SCML4: variants seen among roughly 807,000 people sequenced by gnomAD.
SCML4 encodes sex comb on midleg-like protein 4.
In SCML4, 34 loss-of-function variants were observed where a neutral mutation model predicts 41.1. That is an observed-to-expected ratio of 0.83 (90% CI 0.63 to 1.10). The LOEUF is 1.10. Ranked by LOEUF, SCML4 falls within the 50% of genes least tolerant of loss-of-function variation. The pLI, the probability that SCML4 is intolerant of heterozygous loss-of-function variation, is 0.00. For synonymous variants in SCML4, 214 were observed against 220.9 expected (o/e 0.97, Z 0.28); for missense variants, 522 against 534.1 (o/e 0.98, Z 0.22).
chr6:107,789,893 G>A (rs872548), intron 1 of SCML4, among the ~76,000 whole-genome samples: 35,803 of 152,140 alleles, frequency 0.24, 5,540 homozygotes, highest in African/African-American at 0.44. Flanking sequence ...TTAATAAAAC[G>A]TACATACATG....
the SCML4 span, among the ~76,000 whole-genome samples, chr6:107,834,041 G>C: frequency 2.0e-5 from 3 of 152,160 alleles, no homozygotes; most frequent in Admixed American, 1.3e-4. Flanking sequence ...GAAGGAAACG[G>C]GAATAAAAGC....
chr6:107,816,285 T>C (rs562449850), intron 1 of SCML4, among the ~76,000 whole-genome samples: 2 of 152,370 alleles, frequency 1.3e-5, no homozygotes, highest in East Asian at 1.9e-4. Flanking sequence ...TAATGCTCAA[T>C]TGATGCAAAT....
At chr6:107,839,432 A>AAAAAGAAAAGAATAGGAAAG in the SCML4 span, among the ~76,000 whole-genome samples, 10 of 152,052 alleles carry the variant, frequency 6.6e-5, no homozygotes, top group African/African-American at 2.2e-4. Flanking sequence ...GGGAGGGAGG[A>AAAAAGAAAAGAATAGGAAAG]AAAAGAAAAG....
chr6:107,762,657 G>T (rs1234736972), intron 2 of SCML4, among the ~76,000 whole-genome samples: 1 of 152,208 alleles, frequency 6.6e-6, no homozygotes. Context: ...GGGAAGACAT[G>T]GGGAGTAAGC....
intron 1 of SCML4, among the ~76,000 whole-genome samples, chr6:107,784,852 C>T (rs1781765214): frequency 1.3e-5 from 2 of 152,174 alleles, no homozygotes; most frequent in African/African-American, 4.8e-5. Context: ...TGTGCATTTG[C>T]CCTGACTGGG....
chr6:107,754,046 T>G (rs1466424786), intron 2 of SCML4, among the ~76,000 whole-genome samples: 1 of 152,012 alleles, frequency 6.6e-6, no homozygotes, highest in Non-Finnish European at 1.5e-5. Flanking sequence ...GTAGGAGGCC[T>G]GGGGAATGGA....
chr6:107,790,550 T>C (rs1284923875), intron 1 of SCML4, among the ~76,000 whole-genome samples: 1 of 152,220 alleles, frequency 6.6e-6, no homozygotes, highest in Non-Finnish European at 1.5e-5. Context: ...CAACAGCCGT[T>C]AAGTCAATTC....
chr6:107,814,000 G>A (rs1038599397), intron 1 of SCML4, among the ~76,000 whole-genome samples: 3 of 152,190 alleles, frequency 2.0e-5, no homozygotes, highest in African/African-American at 4.8e-5. Context: ...GGGCAGTCCC[G>A]TGGTGACTCA....
chr6:107,788,210 C>G (rs1365158744), intron 1 of SCML4, among the ~76,000 whole-genome samples: 1 of 152,156 alleles, frequency 6.6e-6, no homozygotes. Context: ...CTGCAAGGAC[C>G]AGGAAAGCTG....
At chr6:107,727,259 G>A (rs1325156456) in intron 5 of SCML4, among the ~76,000 whole-genome samples, 4 of 152,076 alleles carry the variant, frequency 2.6e-5, no homozygotes, top group Non-Finnish European at 1.5e-5. Flanking sequence ...GGGTTGGGGT[G>A]TGGGGTGGGT....
intron 1 of SCML4, among the ~76,000 whole-genome samples, chr6:107,781,324 C>T (rs1372957601): frequency 6.6e-6 from 1 of 152,130 alleles, no homozygotes; most frequent in Admixed American, 6.5e-5. Context: ...TAGTCAATCT[C>T]AGTCGTCCCA....
At chr6:107,825,347 G>C (rs575672816), upstream of SCML4, among the ~76,000 whole-genome samples, 1 of 152,270 alleles carries the variant, frequency 6.6e-6, no homozygotes, top group Middle Eastern at 3.4e-3. Context: ...CCACAACCTG[G>C]CCAGTTACTG....
intron 1 of SCML4, among the ~76,000 whole-genome samples, chr6:107,814,472 G>A (rs1203985714): frequency 1.3e-5 from 2 of 152,228 alleles, no homozygotes; most frequent in Non-Finnish European, 2.9e-5. Flanking sequence ...CACAATGTCT[G>A]CAACATCACA....
chr6:107,824,109 T>C lies in SCML4; in HGVS notation c.-60+17A>G, dbSNP rs1785141165. The C allele has an allele frequency of 6.6e-6, 1 of 152,190 alleles. No individual in the cohort carries two copies. The highest frequency in any genetic ancestry group is 1.5e-5 in the Non-Finnish European group (1 of 68,032). 9.4% of individuals were successfully genotyped at this position (152,190 alleles called of 1,614,324 possible). On this transcript the variant is annotated intron_variant, in intron 1 of 7. Coordinates refer to ENST00000369020, the MANE Select transcript of SCML4 (RefSeq NM_198081.5). ...TCCCGTGTCAACGGCACGCCTCCAA[T>C]TGTGCATCTCCCTTACCTACAGCTT...
chr6:107,738,441 TC>T (rs1562201767), intron 5 of SCML4, among the ~76,000 whole-genome samples: 1 of 151,294 alleles, frequency 6.6e-6, no homozygotes, highest in Non-Finnish European at 1.5e-5. Context: ...GGGCAACATG[TC>T]AAAATCCCGT....
At chr6:107,840,154 G>A in the SCML4 span, among the ~76,000 whole-genome samples, 3 of 152,110 alleles carry the variant, frequency 2.0e-5, no homozygotes, top group Admixed American at 6.5e-5. Context: ...TAAAACAGTG[G>A]CTGCAACATG....
At chr6:107,799,214 T>C (rs1269246153) in intron 1 of SCML4, among the ~76,000 whole-genome samples, 1 of 152,194 alleles carries the variant, frequency 6.6e-6, no homozygotes, top group Non-Finnish European at 1.5e-5. Flanking sequence ...TTTCTGTATG[T>C]TTTTGCTACA....
At chr6:107,794,525 T>C (rs914140146) in intron 1 of SCML4, among the ~76,000 whole-genome samples, 8 of 152,168 alleles carry the variant, frequency 5.3e-5, no homozygotes, top group African/African-American at 1.4e-4. Flanking sequence ...CCAAACTGTA[T>C]ACAAGAAAGA....
intron 5 of SCML4, among the ~76,000 whole-genome samples, chr6:107,738,118 A>G (rs1302222393): frequency 6.6e-6 from 1 of 152,166 alleles, no homozygotes; most frequent in Non-Finnish European, 1.5e-5. Context: ...TGGTCATCTC[A>G]TGACTTCTGA....
Sources: allele counts gnomAD v4.1 joint callset (sites outside exome capture counted in the v4.1 genomes callset), GRCh38; gene constraint gnomAD v4.1.1; transcripts MANE v1.5; gene names NCBI Gene and HGNC (gene_info 2026-07-23, HGNC 2026-07-21).